The following DISP2 variants were observed in gnomAD, a reference collection of about 807,000 sequenced individuals.
DISP2 encodes dispatched RND transporter family member 2, also known as protein dispatched homolog 2.
In DISP2, 59 loss-of-function variants were observed where a neutral mutation model predicts 95.5. The observed-to-expected ratio is 0.62, with a 90% confidence interval of 0.50 to 0.77. DISP2 has a LOEUF of 0.77. DISP2 is among the 30% of genes least tolerant of loss of function. The probability of loss-of-function intolerance (pLI) is 0.00; values close to 1 mark genes in which losing one functional copy is unlikely to be tolerated. For missense variants in DISP2, 1,752 were observed against 1,854.6 expected, an observed-to-expected ratio of 0.94 and a Z score of 1.02; for synonymous variants, 827 against 815.0, an observed-to-expected ratio of 1.01 and a Z score of -0.25.
chr15:40,364,476 G>A lies in DISP2; in HGVS notation c.535G>A (p.Val179Ile). ...GGCCGTGCTGATGCTGTGTCTGGCT[G>A]TCATCTTCCTCTGCACCCTGGCTGG... ...PVAVLMLCLAVIFLCTLAGLL... is the reference protein window; with the variant it reads ...PVAVLMLCLAIIFLCTLAGLL... The change falls in exon 4 of 8, where the codon GTC becomes ATC. Residue 179 changes from valine to isoleucine, a missense_variant. This residue lies in a region of DISP2 where 342 missense variants were observed against 364.3 expected (regional missense o/e 0.94). Transcript: ENST00000267889. The A allele has an allele frequency of 1.2e-6, 2 of 1,614,040 alleles. No individual in the cohort carries two copies. The highest frequency in any genetic ancestry group is 3.3e-4 in the Middle Eastern group (2 of 6,062).
chr15:40,361,782 C>T (rs1328322153), intron 1 of DISP2, among the ~76,000 whole-genome samples: 1 of 152,256 alleles, frequency 6.6e-6, no homozygotes, highest in Non-Finnish European at 1.5e-5. Flanking sequence ...CTCACAGCCC[C>T]TTCAGCAGTG....
At chr15:40,365,053 C>T in intron 5 of DISP2, 94 bp from the exon 6 acceptor site, 1 of 1,585,496 alleles carries the variant, frequency 6.3e-7, no homozygotes, top group Non-Finnish European at 8.6e-7. Flanking sequence ...GTCAGAGGGG[C>T]TTGCCAAGGA....
Position 40,365,301 on chromosome 15 carries a change from GTTTTAATAGT to G in DISP2, c.847+28_847+37del, listed in dbSNP as rs753158094. On this transcript the variant is annotated intron_variant, in intron 6 of 7. Coordinates refer to ENST00000267889, the MANE Select transcript of DISP2 (RefSeq NM_033510.3). ...TAAGCTGCAGCCTGGCCAGTTCCTG[GTTTTAATAGT>G]GGTCCCCACCCCACCTAGTAGGACA... 2.5e-6 allele frequency: 4 copies of G among 1,611,416 alleles called. No individual in the cohort carries two copies. In the South Asian group the frequency reaches 4.4e-5, roughly 18 times the overall value.
Position 40,368,714 on chromosome 15 carries a change from C to A in DISP2, c.2602C>A (p.Pro868Thr), listed in dbSNP as rs200291831. Reference protein sequence around the residue: ...CCGHSDFPWAPQFFLHCLKMM... With the variant: ...CCGHSDFPWATQFFLHCLKMM... ...CGGCCACTCGGACTTCCCCTGGGCCCCCCAGTTTTTCCTGCACTGCCTGAA... is the reference window on the plus strand; with the variant it reads ...CGGCCACTCGGACTTCCCCTGGGCCACCCAGTTTTTCCTGCACTGCCTGAA... The change falls in exon 8 of 8, where the codon CCC (proline) becomes ACC (threonine). Residue 868 changes from proline to threonine, a missense_variant. Pro to Thr is a conservative substitution (Grantham distance 38). Coordinates refer to ENST00000267889, the MANE Select transcript of DISP2 (RefSeq NM_033510.3). 11 of 1,613,442 alleles carry A rather than the reference C, an allele frequency of 6.8e-6. No homozygotes were observed. The highest frequency in any genetic ancestry group is 9.3e-6 in the Non-Finnish European group (11 of 1,180,030).
At chr15:40,362,839 C>T (rs912155424) in intron 1 of DISP2, among the ~76,000 whole-genome samples, 7 of 152,148 alleles carry the variant, frequency 4.6e-5, no homozygotes, top group Non-Finnish European at 8.8e-5. Flanking sequence ...GAGTGCAGCA[C>T]GTGCTCAATA....
At chr15:40,359,450 G>A (rs368503510) in intron 1 of DISP2, among the ~76,000 whole-genome samples, 3 of 152,228 alleles carry the variant, frequency 2.0e-5, no homozygotes, top group Non-Finnish European at 4.4e-5. Flanking sequence ...CAGTCTGAAA[G>A]TCACAAAGCC....
rs955422639 is a variant in DISP2, at chr15:40,374,363, C to T, written c.*4045C>T. On this transcript the variant is annotated 3_prime_UTR_variant, in exon 8 of 8. Coordinates refer to ENST00000267889, the MANE Select transcript of DISP2 (RefSeq NM_033510.3). ...GCCAGGATGGTCTCGATCTCCTGAC[C>T]TCATGATCCGCCTGCCTCGGCCTCC... is the stretch of plus-strand genomic sequence containing the variant. 5 of 151,348 alleles carry T rather than the reference C, an allele frequency of 3.3e-5. No individual in the cohort carries two copies. Among genetic ancestry groups the T allele is most frequent in the Admixed American group, 2.6e-4 (4 of 15,182 alleles). 9.4% of individuals were successfully genotyped at this position (151,348 alleles called of 1,614,324 possible). A position where few individuals can be genotyped will look rare whatever the true frequency, so the allele number is the denominator to read the frequency against.
chr15:40,360,456 T>C (rs1231832672), intron 1 of DISP2, among the ~76,000 whole-genome samples: 2 of 152,080 alleles, frequency 1.3e-5, no homozygotes, highest in African/African-American at 4.8e-5. Flanking sequence ...TTCTGCCACA[T>C]TGATAATGGT....
chr15:40,368,654 C>A lies in DISP2; in HGVS notation c.2542C>A (p.Pro848Thr), dbSNP rs372230856. ...VETLQRWMES[P>T]SCARLGPDLC... ...GACCCTCCAGCGCTGGATGGAGAGC[C>A]CCAGCTGCGCCCGCCTGGGGCCTGA... The change falls in exon 8 of 8, where the codon CCC becomes ACC. Residue 848 changes from proline (P) to threonine (T), a missense_variant. Coordinates refer to ENST00000267889, the MANE Select transcript of DISP2 (RefSeq NM_033510.3). 4 of 1,610,456 alleles carry A rather than the reference C, an allele frequency of 2.5e-6. No homozygotes were observed. In the African/African-American group the frequency reaches 4.0e-5, roughly 16 times the overall value.
At position 40,370,182 on chromosome 15, in the gene DISP2, A is replaced by C. The variant is rs760169674; in HGVS notation, c.4070A>C (p.His1357Pro). Residue 1357 changes from histidine (H) to proline (P), a missense_variant, in exon 8 of 8, where the codon CAT becomes CCT. Transcript: ENST00000267889. ...TATGACCCATCATTGCCCGCTTCCCATCACAGCAGCTTGTCCTGGAAGGGC... is the reference window on the plus strand; with the variant it reads ...TATGACCCATCATTGCCCGCTTCCCCTCACAGCAGCTTGTCCTGGAAGGGC... ...TVYDPSLPAS[H>P]HSSLSWKGRG... 5 of 1,612,244 alleles carry C rather than the reference A, an allele frequency of 3.1e-6. No homozygotes were observed. In the East Asian group the frequency reaches 1.1e-4, roughly 36 times the overall value.
In DISP2 at chr15:40,376,462, A is replaced by G. The variant is rs1279341084; in HGVS notation, c.*6144A>G. The G allele has an allele frequency of 6.6e-6, 1 of 152,258 alleles. No homozygotes were observed. The highest frequency in any genetic ancestry group is 1.5e-5 in the Non-Finnish European group (1 of 68,066). 9.4% of individuals were successfully genotyped at this position (152,258 alleles called of 1,614,324 possible). A position where few individuals can be genotyped will look rare whatever the true frequency, so the allele number is the denominator to read the frequency against. On this transcript the variant is annotated 3_prime_UTR_variant, in exon 8 of 8. Coordinates refer to ENST00000267889, the MANE Select transcript of DISP2 (RefSeq NM_033510.3). ...TGGCAAAACCCTGTCTCTACTAAAA[A>G]TACAAAAATTAGCCGGGCGTGGTGG... is the stretch of plus-strand genomic sequence containing the variant.
In DISP2 at chr15:40,358,272, G is replaced by A. The variant is rs1326659436; in HGVS notation, c.-50G>A. 2.5e-6 allele frequency: 3 copies of A among 1,209,338 alleles called. No individual in the cohort carries two copies. Among genetic ancestry groups the A allele is most frequent in the East Asian group, 7.0e-5 (2 of 28,494 alleles). 74.9% of individuals were successfully genotyped at this position (1,209,338 alleles called of 1,614,324 possible). A position where few individuals can be genotyped will look rare whatever the true frequency, so the allele number is the denominator to read the frequency against. ...CGCCGCCACCGCCGCCGCCGCCGCC[G>A]CCGCCGCGGCTTCAGCACCAGCGCC... On this transcript the variant is annotated 5_prime_UTR_variant, in exon 1 of 8. Transcript: ENST00000267889.
Position 40,364,213 on chromosome 15 carries a change from T to C in DISP2, c.450-13T>C, listed in dbSNP as rs1889456078. On this transcript the variant is annotated splice_polypyrimidine_tract_variant and intron_variant, in intron 2 of 7. Coordinates refer to ENST00000267889, the MANE Select transcript of DISP2 (RefSeq NM_033510.3). ...AACTCTGGCAAGCAAGCATCTTTTC[T>C]TCTCTTCCACAGGCAGGAACGAGCC... 2 of 1,613,910 alleles carry C rather than the reference T, an allele frequency of 1.2e-6. No individual in the cohort carries two copies. Among genetic ancestry groups the C allele is most frequent in the Non-Finnish European group, 8.5e-7 (1 of 1,180,024 alleles).
Position 40,365,709 on chromosome 15 carries a change from G to C in DISP2, c.929G>C (p.Arg310Pro). The C allele has an allele frequency of 6.2e-7, 1 of 1,614,012 alleles. No individual in the cohort carries two copies. Among genetic ancestry groups the C allele is most frequent in the Non-Finnish European group, 8.5e-7 (1 of 1,179,980 alleles). The change falls in exon 7 of 8, where the codon CGC becomes CCC. Residue 310 changes from arginine (R) to proline (P), a missense_variant. Arg to Pro is a moderately radical substitution (Grantham distance 103). This residue lies in a region of DISP2 where 732 missense variants were observed against 714.6 expected (regional missense o/e 1.02). Transcript: ENST00000267889. Reference protein sequence around the residue: ...WNLHAIHSMCRMEQDQIRSHT... With the variant: ...WNLHAIHSMCPMEQDQIRSHT... ...CTGCATGCCATCCATTCCATGTGTC[G>C]CATGGAACAGGACCAGGTGAGCTGG...
Position 40,367,861 on chromosome 15 carries a change from C to A in DISP2, c.1749C>A (p.Gly583=), listed in dbSNP as rs1233099635. Residue 583 remains glycine (G), a synonymous_variant, in exon 8 of 8, where the codon GGC becomes GGA. Transcript: ENST00000267889. The part of the protein sequence containing the change: ...LPSGGLAQRV[G]RTMHHFGYLL... The stretch of plus-strand genomic sequence containing the variant: ...CGGGGGGGCTGGCGCAGCGCGTGGG[C>A]CGCACCATGCACCACTTCGGCTACC... 2 of 1,599,906 alleles carry A rather than the reference C, an allele frequency of 1.3e-6. No individual in the cohort carries two copies. Among genetic ancestry groups the A allele is most frequent in the South Asian group, 2.2e-5 (2 of 90,990 alleles).
Position 40,363,862 on chromosome 15 carries a change from C to T in DISP2, c.357C>T (p.Ser119=). ...TTGGGGATCGGGCAGCTCTCTGCTCCCACGGCTCCAGCCTCAGCCCTTCTC... is the reference window on the plus strand; with the variant it reads ...TTGGGGATCGGGCAGCTCTCTGCTCTCACGGCTCCAGCCTCAGCCCTTCTC... ...PGLGDRAALC[S]HGSSLSPSPA... The change falls in exon 2 of 8, where the codon TCC becomes TCT. Residue 119 remains serine, a synonymous_variant. Transcript: ENST00000267889. The T allele has an allele frequency of 6.2e-7, 1 of 1,606,030 alleles. No individual in the cohort carries two copies. Among genetic ancestry groups the T allele is most frequent in the Non-Finnish European group, 8.5e-7 (1 of 1,174,920 alleles).
At chr15:40,363,975 C>G (rs1889451536) in intron 2 of DISP2, 21 bp downstream of exon 2, 1 of 1,514,802 alleles carries the variant, frequency 6.6e-7, no homozygotes, top group African/African-American at 1.4e-5. Flanking sequence ...GTCCAGCAGC[C>G]TGCCAGCTGC....
In DISP2 at chr15:40,367,528, G is replaced by A; in HGVS notation, c.1416G>A (p.Met472Ile). The change falls in exon 8 of 8, where the codon ATG (methionine) becomes ATA (isoleucine). Residue 472 changes from methionine (M) to isoleucine (I), a missense_variant. This residue lies in a region of DISP2 where 732 missense variants were observed against 714.6 expected (regional missense o/e 1.02). Transcript: ENST00000267889. ...LADNYTSVTGMDLGLKQELLR... is the reference protein window; with the variant it reads ...LADNYTSVTGIDLGLKQELLR... ...ACAACTACACCTCTGTCACTGGCAT[G>A]GACCTGGGCCTCAAGCAGGAGCTGC... 1 of 1,613,776 alleles carries A rather than the reference G, an allele frequency of 6.2e-7. No homozygotes were observed. The highest frequency in any genetic ancestry group is 8.5e-7 in the Non-Finnish European group (1 of 1,179,988).
At position 40,369,997 on chromosome 15, in the gene DISP2, T is replaced by C; in HGVS notation, c.3885T>C (p.Ser1295=). The part of the protein sequence containing the change: ...SASTLEGLSV[S]DETCLSTSEP... The stretch of plus-strand genomic sequence containing the variant: ...GCACCCTGGAGGGGCTCAGCGTCTC[T>C]GATGAGACCTGCCTAAGCACCTCTG... Residue 1295 remains serine, a synonymous_variant, in exon 8 of 8, where the codon TCT becomes TCC. Transcript: ENST00000267889. The C allele has an allele frequency of 1.9e-6, 3 of 1,613,936 alleles. No individual in the cohort carries two copies. In the South Asian group the frequency reaches 3.3e-5, roughly 18 times the overall value.
Sources: gnomAD v4.1 joint callset for allele counts (sites outside exome capture counted in the v4.1 genomes callset) on GRCh38, gnomAD v4.1.1 for gene constraint, gnomAD v4.1.1 regional missense constraint, MANE v1.5 for transcripts, NCBI Gene and HGNC (gene_info 2026-07-23, HGNC 2026-07-21) for gene names.